UGT2B17: variants seen among roughly 807,000 people sequenced by gnomAD.
UGT2B17 encodes UDP glucuronosyltransferase family 2 member B17.
UGT2B17 carries 21 observed loss-of-function variants against 48.2 expected under a neutral mutation model. The ratio of observed to expected loss-of-function variants is 0.44; its 90% CI spans 0.31 to 0.63. UGT2B17 has a LOEUF of 0.63. UGT2B17 is among the 20% of genes least tolerant of loss of function. The probability of loss-of-function intolerance (pLI) is 0.08; values close to 1 mark genes in which losing one functional copy is unlikely to be tolerated. For missense variants in UGT2B17, 402 were observed against 696.1 expected (o/e 0.58, Z 4.75); for synonymous variants, 146 against 238.4 (o/e 0.61, Z 3.57).
rs751019628 is a variant in UGT2B17, at chr4:68,553,219, G to C, written c.1006-1308C>G. Among the ~76,000 whole-genome samples the C allele has an allele frequency of 7.2e-5, 9 of 125,602 alleles. 1 individual carries two copies. Among genetic ancestry groups the C allele is most frequent in the Non-Finnish European group, 1.5e-4 (9 of 59,394 alleles). The allele number at this position is 125,602 out of a possible 152,430, so 82.4% of individuals were successfully genotyped here. ...TCTGAGTGAGAATTCCAAATTGTGG[G>C]TAACAAAGCCTGTCTAATTTGGTGA... On this transcript the variant is annotated intron_variant, in intron 4 of 6. Coordinates refer to ENST00000317746, the MANE Select transcript of UGT2B17 (RefSeq NM_001077.4).
chr4:68,574,987 T>C (rs1422765294), intron 1 of UGT2B17, among the ~76,000 whole-genome samples: 1 of 122,670 alleles, frequency 8.2e-6, no homozygotes, highest in African/African-American at 2.8e-5. Flanking sequence ...TCCTTTTTTT[T>C]AAAAAGTGAA....
chr4:68,565,847 C>T (rs928607156), intron 2 of UGT2B17, 127 bp from the exon 3 acceptor site: 9 of 681,038 alleles, frequency 1.3e-5, no homozygotes, highest in Non-Finnish European at 1.7e-5. Flanking sequence ...AAAATGTCTG[C>T]ACATTGATAA....
intron 4 of UGT2B17, among the ~76,000 whole-genome samples, chr4:68,558,691 A>T (rs1339176886): frequency 1.6e-5 from 2 of 125,998 alleles, no homozygotes; most frequent in Non-Finnish European, 3.4e-5. Context: ...GCCATTAGAG[A>T]TCAGATGAAA....
rs1359970791 is a variant in UGT2B17 at position 68,547,535 on chromosome 4, A to G, written c.1313+3142T>C. On this transcript the variant is annotated intron_variant, in intron 6 of 6. Coordinates refer to ENST00000317746, the MANE Select transcript of UGT2B17 (RefSeq NM_001077.4). ...CATGGGCAAGGACTTCATGACTAAAACACCAAAAGCAATGGCAACAAAAGC... is the reference window on the plus strand; with the variant it reads ...CATGGGCAAGGACTTCATGACTAAAGCACCAAAAGCAATGGCAACAAAAGC... Among the ~76,000 whole-genome samples, 7 of 124,884 alleles carry G rather than the reference A, an allele frequency of 5.6e-5. 2 individuals carry two copies. The highest frequency in any genetic ancestry group is 2.5e-4 in the Admixed American group (3 of 12,150). The allele number at this position is 124,884 out of a possible 152,430, so 81.9% of individuals were successfully genotyped here.
Position 68,552,116 on chromosome 4 carries a change from T to C in UGT2B17, c.1006-205A>G, listed in dbSNP as rs1366135146. On this transcript the variant is annotated intron_variant, in intron 4 of 6. Transcript: ENST00000317746. ...ATCTTTACTTTTATAATCAATTTGG[T>C]ATATAAAAAAATGACATTTCTAACT... Among the ~76,000 whole-genome samples, 3 of 126,282 alleles carry C rather than the reference T, an allele frequency of 2.4e-5. 1 individual carries two copies. The highest frequency in any genetic ancestry group is 5.0e-5 in the Non-Finnish European group (3 of 59,510). 82.8% of individuals were successfully genotyped at this position (126,282 alleles called of 152,430 possible). A position where few individuals can be genotyped will look rare whatever the true frequency, so the allele number is the denominator to read the frequency against.
Position 68,545,536 on chromosome 4 carries a change from C to T in UGT2B17, c.1313+5141G>A, listed in dbSNP as rs1230046217. ...AGAACTAGAGAAGCAAGAGCAAACA[C>T]ATTCAAAAGCTAGCAGAAGGCAAGA... On this transcript the variant is annotated intron_variant, in intron 6 of 6. Coordinates refer to ENST00000317746, the MANE Select transcript of UGT2B17 (RefSeq NM_001077.4). 4.8e-5 allele frequency among the ~76,000 whole-genome samples: 6 copies of T among 125,302 alleles called. 2 individuals are homozygous for T. Among genetic ancestry groups the T allele is most frequent in the African/African-American group, 8.2e-5 (3 of 36,588 alleles). The allele number at this position is 125,302 out of a possible 152,430, so 82.2% of individuals were successfully genotyped here.
intron 1 of UGT2B17, 110 bp from the exon 2 acceptor site, chr4:68,568,658 C>G (rs1731250667): frequency 1.6e-6 from 1 of 632,680 alleles, no homozygotes; most frequent in South Asian, 4.9e-5. Flanking sequence ...TCTAGTCAAG[C>G]AATAATTTTT....
At chr4:68,538,953 A>C (rs1200596242) in intron 6 of UGT2B17, among the ~76,000 whole-genome samples, 1 of 125,318 alleles carries the variant, frequency 8.0e-6, no homozygotes, top group Non-Finnish European at 1.7e-5. Flanking sequence ...TTTCTTTTTG[A>C]GGCTTCCCCT....
At position 68,563,759 on chromosome 4, in the gene UGT2B17, C is replaced by A. The variant is rs1339144848; in HGVS notation, c.873+1813G>T. Reference sequence around the variant, plus strand: ...AAGCTAAAATATTAATGAAGTGCCTCCACCTTTGCAATACAACTTTAGCTT... The same window carrying A: ...AAGCTAAAATATTAATGAAGTGCCTACACCTTTGCAATACAACTTTAGCTT... On this transcript the variant is annotated intron_variant, in intron 3 of 6. Transcript: ENST00000317746. Among the ~76,000 whole-genome samples, 5 of 125,416 alleles carry A rather than the reference C, an allele frequency of 4.0e-5. 1 individual carries two copies. Among genetic ancestry groups the A allele is most frequent in the African/African-American group, 1.4e-4 (5 of 36,642 alleles). 82.3% of individuals were successfully genotyped at this position (125,416 alleles called of 152,430 possible). A position where few individuals can be genotyped will look rare whatever the true frequency, so the allele number is the denominator to read the frequency against.
In UGT2B17 at chr4:68,553,736, A is replaced by T. The variant is rs1288530087; in HGVS notation, c.1006-1825T>A. On this transcript the variant is annotated intron_variant, in intron 4 of 6. Transcript: ENST00000317746. ...CCTCCTAGGAAGTTGTTGTTTAAGA[A>T]TCCTAATTCTAGTTTGGAGATGTGT... Among the ~76,000 whole-genome samples the T allele has an allele frequency of 1.6e-5, 2 of 124,224 alleles. 1 individual carries two copies. Among genetic ancestry groups the T allele is most frequent in the African/African-American group, 5.5e-5 (2 of 36,444 alleles). The allele number at this position is 124,224 out of a possible 152,430, so 81.5% of individuals were successfully genotyped here.
chr4:68,551,998 T>A lies in UGT2B17; in HGVS notation c.1006-87A>T. 2 of 917,636 alleles carry A rather than the reference T, an allele frequency of 2.2e-6. 1 individual carries two copies. The highest frequency in any genetic ancestry group is 2.9e-6 in the Non-Finnish European group (2 of 690,476). The allele number at this position is 917,636 out of a possible 1,614,324, so 56.8% of individuals were successfully genotyped here. ...AATTCTGAAGAGATTAATAATCAGT[T>A]AATCCATATAAAAGATGAAGAAATA... is the stretch of plus-strand genomic sequence containing the variant. On this transcript the variant is annotated intron_variant, in intron 4 of 6. Coordinates refer to ENST00000317746, the MANE Select transcript of UGT2B17 (RefSeq NM_001077.4).
chr4:68,539,000 A>T (rs1400235675), intron 6 of UGT2B17, among the ~76,000 whole-genome samples: 1 of 125,772 alleles, frequency 8.0e-6, no homozygotes, highest in Non-Finnish European at 1.7e-5. Flanking sequence ...TCCTGGCCAC[A>T]CTATAGGCAC....
In UGT2B17 at chr4:68,547,725, A is replaced by G. The variant is rs1420412867; in HGVS notation, c.1313+2952T>C. On this transcript the variant is annotated intron_variant, in intron 6 of 6. Coordinates refer to ENST00000317746, the MANE Select transcript of UGT2B17 (RefSeq NM_001077.4). ...ATCTACAATGAACTCAAACAAATTT[A>G]CAAGAAAAAAACAAACAACCTCATC... is the stretch of plus-strand genomic sequence containing the variant. Among the ~76,000 whole-genome samples the G allele has an allele frequency of 3.9e-5, 3 of 77,584 alleles. 1 individual carries two copies. Among genetic ancestry groups the G allele is most frequent in the Admixed American group, 2.6e-4 (2 of 7,598 alleles). The allele number at this position is 77,584 out of a possible 152,430, so 50.9% of individuals were successfully genotyped here.
At position 68,563,025 on chromosome 4, in the gene UGT2B17, G is replaced by C. The variant is rs747845974; in HGVS notation, c.874-2357C>G. 1.6e-5 allele frequency among the ~76,000 whole-genome samples: 2 copies of C among 126,296 alleles called. 1 individual carries two copies. The highest frequency in any genetic ancestry group is 3.4e-5 in the Non-Finnish European group (2 of 59,652). 82.9% of individuals were successfully genotyped at this position (126,296 alleles called of 152,430 possible). A position where few individuals can be genotyped will look rare whatever the true frequency, so the allele number is the denominator to read the frequency against. On this transcript the variant is annotated intron_variant, in intron 3 of 6. Transcript: ENST00000317746. ...GTAAGATATTTGAATTATTTCCAGA[G>C]TTTTTTAACGAATATTTGCTACTAA...
rs558608679 is a variant in UGT2B17 at position 68,561,454 on chromosome 4, A to G, written c.874-786T>C. ...ATTAAGTGATCTTATTTCTCAGATCATTGTTTAGGTATGACTATGATACCT... is the reference window on the plus strand; with the variant it reads ...ATTAAGTGATCTTATTTCTCAGATCGTTGTTTAGGTATGACTATGATACCT... On this transcript the variant is annotated intron_variant, in intron 3 of 6. Coordinates refer to ENST00000317746, the MANE Select transcript of UGT2B17 (RefSeq NM_001077.4). Among the ~76,000 whole-genome samples the G allele has an allele frequency of 2.2e-4, 27 of 124,950 alleles. 8 individuals carry two copies. In the South Asian group the frequency reaches 9.2e-3, roughly 42 times the overall value. 82.0% of individuals were successfully genotyped at this position (124,950 alleles called of 152,430 possible).
Position 68,541,721 on chromosome 4 carries a change from C to T in UGT2B17, c.1314-3817G>A, listed in dbSNP as rs529243831. On this transcript the variant is annotated intron_variant, in intron 6 of 6. Transcript: ENST00000317746. ...GTTTGTGTCATGAAATTTTTGCCCA[C>T]GCCTATGTCCTGAATGATGTTGCTT... 4.7e-4 allele frequency among the ~76,000 whole-genome samples: 60 copies of T among 126,428 alleles called. 16 individuals are homozygous for T. The highest frequency in any genetic ancestry group is 7.4e-4 in the East Asian group (1 of 1,346). 82.9% of individuals were successfully genotyped at this position (126,428 alleles called of 152,430 possible).
At position 68,546,897 on chromosome 4, in the gene UGT2B17, C is replaced by G. The variant is rs1341047656; in HGVS notation, c.1313+3780G>C. Among the ~76,000 whole-genome samples, 5 of 124,248 alleles carry G rather than the reference C, an allele frequency of 4.0e-5. 1 individual carries two copies. The highest frequency in any genetic ancestry group is 8.3e-5 in the Admixed American group (1 of 12,006). The allele number at this position is 124,248 out of a possible 152,430, so 81.5% of individuals were successfully genotyped here. A position where few individuals can be genotyped will look rare whatever the true frequency, so the allele number is the denominator to read the frequency against. ...ATGTGAAGGACCTCTTCAAGGAGAACTACAAACCACTGCTCAAGGAAATAA... is the reference window on the plus strand; with the variant it reads ...ATGTGAAGGACCTCTTCAAGGAGAAGTACAAACCACTGCTCAAGGAAATAA... On this transcript the variant is annotated intron_variant, in intron 6 of 6. Coordinates refer to ENST00000317746, the MANE Select transcript of UGT2B17 (RefSeq NM_001077.4).
chr4:68,551,723 T>C, intron 5 of UGT2B17, 101 bp downstream of exon 5: 1 of 858,360 alleles, frequency 1.2e-6, no homozygotes, highest in South Asian at 3.3e-5. Flanking sequence ...TTTTTTAGTT[T>C]TCCAATAATA....
Position 68,567,728 on chromosome 4 carries a change from A to G in UGT2B17, c.724+33T>C. ...CCTTCAAAGGCACAGGAAAATTAGA[A>G]CTTAATAAACACCAATTGGACACAC... On this transcript the variant is annotated intron_variant, in intron 2 of 6. Transcript: ENST00000317746. The G allele has an allele frequency of 4.0e-6, 5 of 1,259,480 alleles. 2 individuals are homozygous for G. Among genetic ancestry groups the G allele is most frequent in the Non-Finnish European group, 5.1e-6 (5 of 989,492 alleles). The allele number at this position is 1,259,480 out of a possible 1,614,324, so 78.0% of individuals were successfully genotyped here.
Sources: gnomAD v4.1 joint callset for allele counts (sites outside exome capture counted in the v4.1 genomes callset) on GRCh38, gnomAD v4.1.1 for gene constraint, MANE v1.5 for transcripts, NCBI Gene and HGNC (gene_info 2026-07-23, HGNC 2026-07-21) for gene names.